The following APPL1 variants were observed in gnomAD, a reference collection of about 807,000 sequenced individuals.
The protein encoded by APPL1 is DCC-interacting protein 13-alpha.
A neutral mutation model predicts 106.8 loss-of-function variants in APPL1; 42 were observed. The ratio of observed to expected loss-of-function variants is 0.39; its 90% CI spans 0.31 to 0.51. APPL1 has a LOEUF of 0.51. Ranked by LOEUF, APPL1 falls within the 20% of genes least tolerant of loss-of-function variation. The probability of loss-of-function intolerance (pLI) is 0.75; values close to 1 mark genes in which losing one functional copy is unlikely to be tolerated. For missense variants in APPL1, 769 were observed against 858.2 expected, an observed-to-expected ratio of 0.90 and a Z score of 1.30; for synonymous variants, 263 against 281.8, an observed-to-expected ratio of 0.93 and a Z score of 0.67.
Position 57,257,401 on chromosome 3 carries a change from A to C in APPL1, c.1403A>C (p.Gln468Pro). The C allele has an allele frequency of 6.2e-7, 1 of 1,613,650 alleles. No homozygotes were observed. The highest frequency in any genetic ancestry group is 8.5e-7 in the Non-Finnish European group (1 of 1,179,782). The change falls in exon 15 of 22, where the codon CAG becomes CCG. Residue 468 changes from glutamine to proline, a missense_variant. Transcript: ENST00000288266. ...CCTGTGTGTGAAGATCAGCCTGGCC[A>C]GGCAAAAGCCTTTGGCCAGGGAGGC... is the stretch of plus-strand genomic sequence containing the variant. The part of the protein sequence containing the change: ...ISPVCEDQPG[Q>P]AKAFGQGGRR...
intron 21 of APPL1, chr3:57,269,018 A>C (rs1327933442): frequency 1.3e-5 from 2 of 153,106 alleles, no homozygotes; most frequent in African/African-American, 4.8e-5. Context: ...AATAGAAAAG[A>C]GGAGACAGCT....
chr3:57,264,006 A>C (rs943425330), intron 19 of APPL1, among the ~76,000 whole-genome samples: 1 of 152,192 alleles, frequency 6.6e-6, no homozygotes, highest in Non-Finnish European at 1.5e-5. Flanking sequence ...CATTCCCACC[A>C]ACAGTGTACA....
chr3:57,254,242 C>T (rs568377900), intron 13 of APPL1, among the ~76,000 whole-genome samples: 1 of 152,310 alleles, frequency 6.6e-6, no homozygotes, highest in Admixed American at 6.5e-5. Context: ...GATACTCAGT[C>T]AACCAACAAA....
At chr3:57,265,366 T>TCTC (rs1327739078) in intron 19 of APPL1, among the ~76,000 whole-genome samples, 4 of 152,154 alleles carry the variant, frequency 2.6e-5, no homozygotes, top group Non-Finnish European at 5.9e-5. Flanking sequence ...GCCAGGCTGG[T>TCTC]CTCAAACTCC....
In APPL1 at chr3:57,263,450, G is replaced by A. The variant is rs1250447990; in HGVS notation, c.1842+2676G>A. ...TCTGGTAACCACCCTTCTGTTCTCTGGCTCCATGAGTTCAATTGTTTTGAT... is the reference window on the plus strand; with the variant it reads ...TCTGGTAACCACCCTTCTGTTCTCTAGCTCCATGAGTTCAATTGTTTTGAT... On this transcript the variant is annotated intron_variant, in intron 19 of 21. Transcript: ENST00000288266. Among the ~76,000 whole-genome samples the A allele has an allele frequency of 3.2e-5, 4 of 124,766 alleles. No individual in the cohort carries two copies. The South Asian group carries it at 7.3e-4, about 23-fold the overall frequency. The allele number at this position is 124,766 out of a possible 152,430, so 81.9% of individuals were successfully genotyped here.
rs1388464978 is a variant in APPL1, at chr3:57,238,028, T to C, written c.214-17T>C. 1 of 1,595,642 alleles carries C rather than the reference T, an allele frequency of 6.3e-7. No homozygotes were observed. The highest frequency in any genetic ancestry group is 1.7e-4 in the Middle Eastern group (1 of 5,938). Reference sequence around the variant, plus strand: ...CACAGCATTGAAACTTTACCTCATCTGTTTCTTGCTTTTCAGCGTTTTCCA... The same window carrying C: ...CACAGCATTGAAACTTTACCTCATCCGTTTCTTGCTTTTCAGCGTTTTCCA... On this transcript the variant is annotated splice_polypyrimidine_tract_variant and intron_variant, in intron 3 of 21. Coordinates refer to ENST00000288266, the MANE Select transcript of APPL1 (RefSeq NM_012096.3).
chr3:57,259,849 T>C lies in APPL1; in HGVS notation c.1488T>C (p.Ser496=). 6.3e-7 allele frequency: 1 copy of C among 1,587,960 alleles called. No homozygotes were observed. The highest frequency in any genetic ancestry group is 1.9e-5 in the Admixed American group (1 of 52,326). The change falls in exon 17 of 22, where the codon TCT becomes TCC. Residue 496 remains serine, a synonymous_variant. Coordinates refer to ENST00000288266, the MANE Select transcript of APPL1 (RefSeq NM_012096.3). ...ATACACCTTGTTCTATTATAGATTC[T>C]ATTCTTCATCAGTTATTTATTGTCC... The part of the protein sequence containing the change: ...GGSTKSETED[S]ILHQLFIVRF...
At chr3:57,255,451 TC>T (rs1456645962) in intron 13 of APPL1, among the ~76,000 whole-genome samples, 1 of 152,166 alleles carries the variant, frequency 6.6e-6, no homozygotes. Context: ...AAAGATGACT[TC>T]CAGGTTTTAA....
intron 13 of APPL1, 30 bp downstream of exon 13, chr3:57,253,768 C>A (rs779136500): frequency 1.5e-6 from 2 of 1,357,716 alleles, no homozygotes; most frequent in South Asian, 1.7e-5. Flanking sequence ...TTACCCAGAT[C>A]TAGCAAAATT....
At chr3:57,249,622 T>C (rs2060792912) in intron 11 of APPL1, 74 bp downstream of exon 11, 5 of 1,324,096 alleles carry the variant, frequency 3.8e-6, no homozygotes, top group Non-Finnish European at 5.0e-6. Flanking sequence ...TTCCTTTTTG[T>C]TTAGAAATTT....
chr3:57,256,397 T>G (rs1277817268), intron 13 of APPL1, among the ~76,000 whole-genome samples: 2 of 152,230 alleles, frequency 1.3e-5, no homozygotes, highest in African/African-American at 4.8e-5. Context: ...AGCTTTCTTA[T>G]TTTCAATTTT....
intron 19 of APPL1, among the ~76,000 whole-genome samples, chr3:57,266,760 AT>A (rs2060896500): frequency 6.6e-6 from 1 of 151,902 alleles, no homozygotes; most frequent in Non-Finnish European, 1.5e-5. Context: ...TTTTGAGTTG[AT>A]TTTTGTGTAT....
In APPL1 at chr3:57,271,480, G is replaced by T. The variant is rs774707720; in HGVS notation, c.*1793G>T. ...AAAGTTGGAATTTATTCTGTTGCCA[G>T]CATTTAAGTAGTCATGGCAAGTCCT... On this transcript the variant is annotated 3_prime_UTR_variant, in exon 22 of 22. Transcript: ENST00000288266. 7.2e-5 allele frequency: 11 copies of T among 152,360 alleles called. No individual in the cohort carries two copies. The highest frequency in any genetic ancestry group is 1.3e-4 in the Non-Finnish European group (9 of 68,024). The allele number at this position is 152,360 out of a possible 1,614,324, so 9.4% of individuals were successfully genotyped here. A position where few individuals can be genotyped will look rare whatever the true frequency, so the allele number is the denominator to read the frequency against.
Position 57,246,123 on chromosome 3 carries a change from A to C in APPL1, c.522A>C (p.Gln174His), listed in dbSNP as rs2060772268. Reference sequence around the variant, plus strand: ...ATGTGTACACATCCAGAAAGAAACAACACCAGACCATGATGCATTATTTTT... The same window carrying C: ...ATGTGTACACATCCAGAAAGAAACACCACCAGACCATGATGCATTATTTTT... ...TEDVYTSRKKQHQTMMHYFCA... is the reference protein window; with the variant it reads ...TEDVYTSRKKHHQTMMHYFCA... Residue 174 changes from glutamine (Q) to histidine (H), a missense_variant, in exon 8 of 22, where the codon CAA becomes CAC. Transcript: ENST00000288266. 4 of 1,612,006 alleles carry C rather than the reference A, an allele frequency of 2.5e-6. No homozygotes were observed. Among genetic ancestry groups the C allele is most frequent in the East Asian group, 4.5e-5 (2 of 44,720 alleles).
At chr3:57,266,310 A>C in intron 19 of APPL1, among the ~76,000 whole-genome samples, 1 of 152,320 alleles carries the variant, frequency 6.6e-6, no homozygotes, top group Non-Finnish European at 1.5e-5. Context: ...TTCAGCAGGA[A>C]AGCCATCAGG....
At position 57,249,372 on chromosome 3, in the gene APPL1, G is replaced by A. The variant is rs2060791185; in HGVS notation, c.876G>A (p.Leu292=). 2 of 1,614,114 alleles carry A rather than the reference G, an allele frequency of 1.2e-6. No individual in the cohort carries two copies. Among genetic ancestry groups the A allele is most frequent in the Non-Finnish European group, 8.5e-7 (1 of 1,180,032 alleles). The change falls in exon 11 of 22, where the codon TTG becomes TTA. Residue 292 remains leucine (L), a synonymous_variant. Coordinates refer to ENST00000288266, the MANE Select transcript of APPL1 (RefSeq NM_012096.3). ...GYLNARNKTG[L]VSSTWDRQFY... is the part of the protein sequence containing the mutation. The stretch of plus-strand genomic sequence containing the variant: ...TTTCTTCATTCAGTAAAACAGGCTT[G>A]GTGTCATCTACCTGGGACAGACAGT...
chr3:57,259,040 A>G lies in APPL1; in HGVS notation c.1443A>G (p.Pro481=). The change falls in exon 16 of 22, where the codon CCA becomes CCG. Residue 481 remains proline, a synonymous_variant. Coordinates refer to ENST00000288266, the MANE Select transcript of APPL1 (RefSeq NM_012096.3). The stretch of plus-strand genomic sequence containing the variant: ...CTAAACTTTTTAGGCGTACAAATCC[A>G]TTTGGAGAATCTGGAGGAAGTACAA... The part of the protein sequence containing the change: ...AFGQGGRRTN[P]FGESGGSTKS... The G allele has an allele frequency of 6.2e-7, 1 of 1,613,014 alleles. No homozygotes were observed. Among genetic ancestry groups the G allele is most frequent in the Non-Finnish European group, 8.5e-7 (1 of 1,179,516 alleles).
In APPL1 at chr3:57,267,268, G is replaced by T. The variant is rs1395032960; in HGVS notation, c.1843-474G>T. On this transcript the variant is annotated intron_variant, in intron 19 of 21. Transcript: ENST00000288266. ...AAATTTTGCCTAGGCTTACTGAGCT[G>T]CTTGAGCAAAGCATCTCTGAATAGA... 2.6e-5 allele frequency among the ~76,000 whole-genome samples: 4 copies of T among 152,312 alleles called. No homozygotes were observed. The East Asian group carries it at 7.7e-4, about 29-fold the overall frequency.
Position 57,228,089 on chromosome 3 carries a change from T to TGTGGA in APPL1, c.54+154_54+158dup. ...GCCCGTCGCAGGCCGCGCCCGGAGT[T>TGTGGA]GTGGAGGCTGGGCCCGCCGCCCAAG... On this transcript the variant is annotated intron_variant, in intron 1 of 21. Transcript: ENST00000288266. This position sits in a 1 kb window ranked among gnomAD's most constrained non-coding sequence, Gnocchi z 4.6. 1.6e-6 allele frequency: 1 copy of TGTGGA among 624,634 alleles called. No individual in the cohort carries two copies. The highest frequency in any genetic ancestry group is 2.2e-6 in the Non-Finnish European group (1 of 445,318). The allele number at this position is 624,634 out of a possible 1,614,324, so 38.7% of individuals were successfully genotyped here. A position where few individuals can be genotyped will look rare whatever the true frequency, so the allele number is the denominator to read the frequency against.
Sources: gnomAD v4.1 joint callset for allele counts (sites outside exome capture counted in the v4.1 genomes callset) on GRCh38, gnomAD v4.1.1 for gene constraint, Gnocchi (gnomAD v3.1) non-coding constraint, MANE v1.5 for transcripts, NCBI Gene and HGNC (gene_info 2026-07-23, HGNC 2026-07-21) for gene names.